The following DIAPH3 variants were observed in gnomAD, a reference collection of about 807,000 sequenced individuals.
DIAPH3 encodes the protein protein diaphanous homolog 3.
A neutral mutation model predicts 144.3 loss-of-function variants in DIAPH3; 117 were observed. The ratio of observed to expected loss-of-function variants is 0.81; its 90% CI spans 0.70 to 0.95. The LOEUF is 0.95. DIAPH3 is among the 40% of genes least tolerant of loss of function. The pLI, the probability that DIAPH3 is intolerant of heterozygous loss-of-function variation, is 0.00. For missense variants in DIAPH3, 1,421 were observed against 1,412.7 expected, an observed-to-expected ratio of 1.01 and a Z score of -0.09; for synonymous variants, 519 against 488.9, an observed-to-expected ratio of 1.06 and a Z score of -0.81.
intron 9 of DIAPH3, among the ~76,000 whole-genome samples, chr13:60,005,634 C>A (rs533330937): frequency 5.9e-5 from 9 of 152,078 alleles, no homozygotes; most frequent in Non-Finnish European, 1.2e-4. Context: ...GCACCCACCA[C>A]CATGCCCGGC....
chr13:60,149,183 T>A (rs1951668522), intron 1 of DIAPH3, among the ~76,000 whole-genome samples: 1 of 152,196 alleles, frequency 6.6e-6, no homozygotes, highest in African/African-American at 2.4e-5. Flanking sequence ...AAAACCTTCC[T>A]GACAGAATGT....
At chr13:59,877,886 C>T (rs2044735008) in intron 21 of DIAPH3, among the ~76,000 whole-genome samples, 1 of 152,030 alleles carries the variant, frequency 6.6e-6, no homozygotes, top group Non-Finnish European at 1.5e-5. Context: ...GCCTTTTCCT[C>T]TCACAGAACA....
intron 27 of DIAPH3, among the ~76,000 whole-genome samples, chr13:59,728,758 C>T (rs1457059464): frequency 2.0e-5 from 3 of 151,960 alleles, no homozygotes; most frequent in Non-Finnish European, 2.9e-5. Flanking sequence ...TTTACCAACA[C>T]ACAGGAAAGT....
chr13:59,741,088 G>A (rs968802106), intron 27 of DIAPH3, among the ~76,000 whole-genome samples: 4 of 152,180 alleles, frequency 2.6e-5, no homozygotes, highest in Non-Finnish European at 4.4e-5. Context: ...TTGACCCACT[G>A]TTACTCCTGA....
rs548942782 is a variant in DIAPH3 at position 60,163,645 on chromosome 13, G to C, written c.122C>G (p.Pro41Arg). 1 of 1,608,390 alleles carries C rather than the reference G, an allele frequency of 6.2e-7. No homozygotes were observed. The highest frequency in any genetic ancestry group is 1.1e-5 in the South Asian group (1 of 90,786). The change falls in exon 1 of 28, where the codon CCC (proline) becomes CGC (arginine). Residue 41 changes from proline (P) to arginine (R), a missense_variant. Coordinates refer to ENST00000400324, the MANE Select transcript of DIAPH3 (RefSeq NM_001042517.2). ...RESKMPRRKG[P>R]QHPPPPSGPE... is the part of the protein sequence containing the mutation. ...GCCACTGGGCGGCGGAGGGTGTTGGGGGCCCTTCCTGCGCGGCATCTTGCT... is the reference window on the plus strand; with the variant it reads ...GCCACTGGGCGGCGGAGGGTGTTGGCGGCCCTTCCTGCGCGGCATCTTGCT...
intron 27 of DIAPH3, among the ~76,000 whole-genome samples, chr13:59,703,726 TAA>T (rs2034249933): frequency 6.6e-6 from 1 of 152,200 alleles, no homozygotes; most frequent in Admixed American, 6.5e-5. Context: ...ATCATCTAAA[TAA>T]CTATTTCTTG....
intron 5 of DIAPH3, among the ~76,000 whole-genome samples, chr13:60,022,985 G>A (rs2054127677): frequency 6.6e-6 from 1 of 152,056 alleles, no homozygotes; most frequent in African/African-American, 2.4e-5. Context: ...AAGTTTGAGG[G>A]TTTTGGTTTT....
At chr13:59,687,851 T>A (rs540885601) in intron 27 of DIAPH3, among the ~76,000 whole-genome samples, 71 of 152,122 alleles carry the variant, frequency 4.7e-4, no homozygotes, top group African/African-American at 1.7e-3. Flanking sequence ...AATAATGAAA[T>A]CCTATAGATA....
At chr13:59,701,520 C>T (rs145181353) in intron 27 of DIAPH3, among the ~76,000 whole-genome samples, 9 of 152,270 alleles carry the variant, frequency 5.9e-5, no homozygotes, top group East Asian at 3.9e-4. Context: ...ATTCCCAGCA[C>T]GTCATATAGG....
At chr13:59,689,188 A>C (rs997412365) in intron 27 of DIAPH3, among the ~76,000 whole-genome samples, 1 of 152,070 alleles carries the variant, frequency 6.6e-6, no homozygotes, top group Admixed American at 6.6e-5. Flanking sequence ...AGGAAGCTTA[A>C]ATACAGGGGA....
intron 23 of DIAPH3, among the ~76,000 whole-genome samples, chr13:59,836,511 T>A (rs977394669): frequency 1.3e-5 from 2 of 151,716 alleles, no homozygotes; most frequent in Non-Finnish European, 1.5e-5. Context: ...TGCATCCTTT[T>A]TAAAGGATGC....
intron 27 of DIAPH3, among the ~76,000 whole-genome samples, chr13:59,682,115 T>C (rs1434264773): frequency 2.6e-5 from 4 of 152,184 alleles, no homozygotes; most frequent in Admixed American, 2.0e-4. Flanking sequence ...GTATATCTAC[T>C]GACAAGAGCA....
chr13:59,805,893 G>C (rs138946537), intron 25 of DIAPH3, among the ~76,000 whole-genome samples: 289 of 152,024 alleles, frequency 1.9e-3, no homozygotes, highest in African/African-American at 6.5e-3. Context: ...GTAAATAATA[G>C]TAGATTTGGA....
intron 7 of DIAPH3, among the ~76,000 whole-genome samples, chr13:60,015,493 A>T (rs1444835586): frequency 6.6e-6 from 1 of 152,170 alleles, no homozygotes. Flanking sequence ...GTATTATTGC[A>T]GCTCACATTT....
In DIAPH3 at chr13:59,823,569, T is replaced by C. The variant is rs183274104; in HGVS notation, c.3027+9538A>G. Among the ~76,000 whole-genome samples, 152 of 152,254 alleles carry C rather than the reference T, an allele frequency of 1.0e-3. 1 individual carries two copies. Among genetic ancestry groups the C allele is most frequent in the Non-Finnish European group, 1.6e-3 (112 of 68,010 alleles). On this transcript the variant is annotated intron_variant, in intron 24 of 27. Coordinates refer to ENST00000400324, the MANE Select transcript of DIAPH3 (RefSeq NM_001042517.2). ...GGATAGAAGATGCTTCCTATTAAAA[T>C]TGCAAAAGCTGGCTCAACACTCGAC...
intron 9 of DIAPH3, among the ~76,000 whole-genome samples, chr13:60,000,116 T>G (rs1594284175): frequency 2.0e-5 from 3 of 152,162 alleles, no homozygotes; most frequent in South Asian, 4.1e-4. Context: ...TGAAATACAT[T>G]TGGAACACAG....
chr13:59,806,156 A>T (rs1267559148), intron 25 of DIAPH3, among the ~76,000 whole-genome samples: 1 of 152,046 alleles, frequency 6.6e-6, no homozygotes, highest in East Asian at 1.9e-4. Flanking sequence ...TGTGCCTTAC[A>T]TATGAAAATA....
chr13:59,822,248 T>C (rs1201439686), intron 24 of DIAPH3, among the ~76,000 whole-genome samples: 1 of 152,076 alleles, frequency 6.6e-6, no homozygotes, highest in African/African-American at 2.4e-5. Context: ...ATAATAAAAA[T>C]ATTATTTTTA....
intron 17 of DIAPH3, among the ~76,000 whole-genome samples, chr13:59,953,675 G>C (rs535524402): frequency 6.6e-6 from 1 of 152,172 alleles, no homozygotes; most frequent in African/African-American, 2.4e-5. Flanking sequence ...ACGATGTGTA[G>C]AGCAGAAAAG....
Sources: allele counts gnomAD v4.1 joint callset (sites outside exome capture counted in the v4.1 genomes callset), GRCh38; gene constraint gnomAD v4.1.1; transcripts MANE v1.5; gene names NCBI Gene and HGNC (gene_info 2026-07-23, HGNC 2026-07-21).